RFX3: variants seen among roughly 807,000 people sequenced by gnomAD.
RFX3 encodes transcription factor RFX3.
A neutral mutation model predicts 98.6 loss-of-function variants in RFX3; 14 were observed. The ratio of observed to expected loss-of-function variants is 0.14; its 90% CI spans 0.09 to 0.22. RFX3 has a LOEUF of 0.22. Among genes scored for constraint, RFX3 ranks in the 10% least tolerant of loss-of-function variants. The pLI is 1.00. For synonymous variants in RFX3, 383 were observed against 328.4 expected (o/e 1.17, Z -1.80); for missense variants, 639 against 926.9 (o/e 0.69, Z 4.03).
At chr9:3,423,777 T>TTATATATA (rs1564081436) in intron 1 of RFX3, among the ~76,000 whole-genome samples, 1 of 53,134 alleles carries the variant, frequency 1.9e-5, no homozygotes, top group African/African-American at 7.2e-5. Context: ...TTATATATTT[T>TTATATATA]CATATATATA....
chr9:3,490,207 T>C (rs1587845729), intron 1 of RFX3: 2 of 450,302 alleles, frequency 4.4e-6, no homozygotes, highest in Non-Finnish European at 5.8e-6. Context: ...AGACTCCATA[T>C]ATGACATCTG....
chr9:3,352,446 AAAAT>A (rs1368642662), intron 2 of RFX3, among the ~76,000 whole-genome samples: 2 of 151,982 alleles, frequency 1.3e-5, no homozygotes, highest in Non-Finnish European at 2.9e-5. Flanking sequence ...TTTTTAAGTG[AAAAT>A]AAATTAATAT....
chr9:3,283,089 A>G (rs1325998416), intron 7 of RFX3, among the ~76,000 whole-genome samples: 3 of 151,772 alleles, frequency 2.0e-5, no homozygotes, highest in African/African-American at 7.2e-5. Flanking sequence ...AGAAAAGATT[A>G]TCATTACATC....
chr9:3,264,264 A>G (rs577663892), intron 12 of RFX3, among the ~76,000 whole-genome samples: 2 of 152,298 alleles, frequency 1.3e-5, no homozygotes, highest in African/African-American at 4.8e-5. Flanking sequence ...TATGTGCACA[A>G]TATAGATCTA....
chr9:3,443,351 C>T (rs991064305), intron 1 of RFX3, among the ~76,000 whole-genome samples: 1 of 152,172 alleles, frequency 6.6e-6, no homozygotes, highest in Non-Finnish European at 1.5e-5. Context: ...TGCCCTGCCT[C>T]CTACCACCAA....
At chr9:3,416,360 G>A (rs1028974264) in intron 1 of RFX3, among the ~76,000 whole-genome samples, 3 of 152,066 alleles carry the variant, frequency 2.0e-5, no homozygotes, top group African/African-American at 7.2e-5. Flanking sequence ...TTCAAATCCA[G>A]GTGTAACTGA....
intron 1 of RFX3, among the ~76,000 whole-genome samples, chr9:3,493,433 C>T (rs577357731): frequency 7.6e-4 from 115 of 151,972 alleles, no homozygotes; most frequent in African/African-American, 2.7e-3. Context: ...ACCTGTAATC[C>T]CAGCACTTTG....
At chr9:3,270,094 G>GAAAGAAAGAAAT (rs1401689195) in intron 11 of RFX3, among the ~76,000 whole-genome samples, 109 of 12,902 alleles carry the variant, frequency 8.4e-3, no homozygotes, top group African/African-American at 9.6e-3. Context: ...AAGAAAGAAA[G>GAAAGAAAGAAAT]AAAGAAAGAA....
intron 2 of RFX3, among the ~76,000 whole-genome samples, chr9:3,372,488 C>T (rs575329490): frequency 6.6e-5 from 10 of 152,066 alleles, no homozygotes; most frequent in African/African-American, 1.7e-4. Context: ...CCCAAACTAA[C>T]GCAGTATATA....
intron 1 of RFX3, among the ~76,000 whole-genome samples, chr9:3,503,442 A>G (rs932021107): frequency 1.3e-5 from 2 of 152,112 alleles, no homozygotes; most frequent in African/African-American, 2.4e-5. Context: ...AAGTAGTCCA[A>G]TACAGTAGAA....
intron 2 of RFX3, among the ~76,000 whole-genome samples, chr9:3,383,274 T>C (rs966635229): frequency 2.0e-5 from 3 of 152,152 alleles, no homozygotes; most frequent in Non-Finnish European, 4.4e-5. Context: ...TTTGCTCAAA[T>C]AGTCCTTTAT....
intron 1 of RFX3, among the ~76,000 whole-genome samples, chr9:3,424,919 G>A (rs555447309): frequency 1.3e-5 from 2 of 152,208 alleles, no homozygotes; most frequent in South Asian, 4.2e-4. Flanking sequence ...TAGAGAGTAG[G>A]ATGCCTTAAT....
At chr9:3,418,719 G>C (rs1401381140) in intron 1 of RFX3, among the ~76,000 whole-genome samples, 1 of 152,024 alleles carries the variant, frequency 6.6e-6, no homozygotes, top group African/African-American at 2.4e-5. Context: ...TAATTTAAAC[G>C]TTTTAAATTA....
chr9:3,378,936 G>T (rs1838868751), intron 2 of RFX3, among the ~76,000 whole-genome samples: 2 of 152,108 alleles, frequency 1.3e-5, no homozygotes, highest in South Asian at 4.1e-4. Context: ...GATAGTGACT[G>T]CTTACGCTAT....
At chr9:3,312,259 G>C (rs193301989) in intron 4 of RFX3, among the ~76,000 whole-genome samples, 2 of 152,146 alleles carry the variant, frequency 1.3e-5, no homozygotes, top group Admixed American at 1.3e-4. Context: ...AGTGAGTATT[G>C]GGCCACAATG....
chr9:3,479,489 A>C (rs1034664674), intron 1 of RFX3, among the ~76,000 whole-genome samples: 2 of 152,210 alleles, frequency 1.3e-5, no homozygotes, highest in African/African-American at 4.8e-5. Context: ...TCTGTATTTC[A>C]GTACTTAAAT....
At chr9:3,297,701 GT>G (rs1192274905) in intron 5 of RFX3, among the ~76,000 whole-genome samples, 2 of 151,846 alleles carry the variant, frequency 1.3e-5, no homozygotes, top group African/African-American at 4.8e-5. Flanking sequence ...AAAAAACAAG[GT>G]TTTGCTTTGA....
Position 3,390,309 on chromosome 9 carries a change from C to T in RFX3, c.117+5163G>A, listed in dbSNP as rs138022142. On this transcript the variant is annotated intron_variant, in intron 2 of 16. Transcript: ENST00000617270. ...AAAATGTCAAAGTGTAAAAGATACC[C>T]AAAAATGTAGAAGTGAACTGGATAA... Among the ~76,000 whole-genome samples the T allele has an allele frequency of 3.4e-3, 515 of 152,192 alleles. 5 individuals carry two copies. The highest frequency in any genetic ancestry group is 0.022 in the South Asian group (105 of 4,820).
chr9:3,292,602 G>C (rs867442671), intron 6 of RFX3, among the ~76,000 whole-genome samples: 1 of 152,072 alleles, frequency 6.6e-6, no homozygotes, highest in African/African-American at 2.4e-5. Flanking sequence ...AACTGCTTTA[G>C]TTTCTTACTC....
Sources: allele counts gnomAD v4.1 joint callset (sites outside exome capture counted in the v4.1 genomes callset), GRCh38; gene constraint gnomAD v4.1.1; transcripts MANE v1.5; gene names NCBI Gene and HGNC (gene_info 2026-07-23, HGNC 2026-07-21).